SRGAP3: variants seen among roughly 807,000 people sequenced by gnomAD.
The protein encoded by SRGAP3 is SLIT-ROBO Rho GTPase activating protein 3, also known as SLIT-ROBO Rho GTPase-activating protein 3.
In SRGAP3, 39 loss-of-function variants were observed where a neutral mutation model predicts 121.1. That is an observed-to-expected ratio of 0.32 (90% CI 0.25 to 0.42). SRGAP3 has a LOEUF of 0.42. Among genes scored for constraint, SRGAP3 ranks in the 10% least tolerant of loss-of-function variants. SRGAP3 has a pLI of 1.00. For missense variants in SRGAP3, 1,213 were observed against 1,470.6 expected (o/e 0.82, Z 2.86); for synonymous variants, 601 against 570.0 (o/e 1.05, Z -0.77).
intron 11 of SRGAP3, chr3:9,034,233 C>T (rs1465085568): frequency 6.6e-6 from 1 of 152,134 alleles, no homozygotes; most frequent in Non-Finnish European, 1.5e-5. Context: ...AGAAGAGGGC[C>T]CCTAACCAAG....
At chr3:9,174,533 T>G (rs2125106341) in intron 1 of SRGAP3, among the ~76,000 whole-genome samples, 2 of 152,262 alleles carry the variant, frequency 1.3e-5, no homozygotes, top group South Asian at 4.1e-4. Flanking sequence ...CCACCACCAC[T>G]ACTTAGTAAG....
chr3:9,249,232 CA>C lies in SRGAP3; in HGVS notation c.-282del, dbSNP rs1559242380. On this transcript the variant is annotated 5_prime_UTR_variant, in exon 1 of 22. It introduces an in-frame stop codon into an upstream open reading frame of the 5' UTR. Transcript: ENST00000383836. ...AGCACAGTAACCTGCCCCAGATTTT[CA>C]AAGATTTTTCTTCCAAAAATAATAA... 2 of 524,528 alleles carry C rather than the reference CA, an allele frequency of 3.8e-6. No homozygotes were observed. Among genetic ancestry groups the C allele is most frequent in the Non-Finnish European group, 6.9e-6 (2 of 290,218 alleles). The allele number at this position is 524,528 out of a possible 1,614,324, so 32.5% of individuals were successfully genotyped here.
intron 3 of SRGAP3, among the ~76,000 whole-genome samples, chr3:9,303,742 A>G (rs1050778952): frequency 6.6e-6 from 1 of 152,234 alleles, no homozygotes; most frequent in African/African-American, 2.4e-5. Flanking sequence ...AAAGTCTACA[A>G]TAATAACATT....
At chr3:9,169,184 TG>T (rs1293672940) in intron 1 of SRGAP3, among the ~76,000 whole-genome samples, 1 of 152,224 alleles carries the variant, frequency 6.6e-6, no homozygotes, top group Non-Finnish European at 1.5e-5. Context: ...CTTACAATAT[TG>T]GGGAGCATGA....
At chr3:9,304,681 C>T (rs886846833) in intron 3 of SRGAP3, among the ~76,000 whole-genome samples, 7 of 152,162 alleles carry the variant, frequency 4.6e-5, no homozygotes, top group South Asian at 2.1e-4. Context: ...TCTCCCCCTC[C>T]GCACTAGGAC....
At chr3:9,272,322 C>T (rs926615172) in intron 3 of SRGAP3, among the ~76,000 whole-genome samples, 1 of 152,210 alleles carries the variant, frequency 6.6e-6, no homozygotes, top group African/African-American at 2.4e-5. Context: ...AAGCCATTCA[C>T]ATTGTTGTGC....
intron 1 of SRGAP3, among the ~76,000 whole-genome samples, chr3:9,131,817 T>C (rs549306017): frequency 5.3e-5 from 8 of 152,280 alleles, no homozygotes; most frequent in East Asian, 1.9e-4. Flanking sequence ...AAATTCTCCA[T>C]GGTTCCCCAT....
At position 9,109,462 on chromosome 3, in the gene SRGAP3, A is replaced by T. The variant is rs1165408810; in HGVS notation, c.261-4620T>A. Reference sequence around the variant, plus strand: ...GGCAAGGAGGAGGATGTTACCCGAAAGCAGCCAAAGACTCAAGTTGAAGTG... The same window carrying T: ...GGCAAGGAGGAGGATGTTACCCGAATGCAGCCAAAGACTCAAGTTGAAGTG... On this transcript the variant is annotated intron_variant, in intron 2 of 21. Coordinates refer to ENST00000383836, the MANE Select transcript of SRGAP3 (RefSeq NM_014850.4). The surrounding 1 kb of genome is among the most constrained non-coding windows in gnomAD (Gnocchi z 4.4). 6.6e-6 allele frequency among the ~76,000 whole-genome samples: 1 copy of T among 152,230 alleles called. No homozygotes were observed. Among genetic ancestry groups the T allele is most frequent in the Non-Finnish European group, 1.5e-5 (1 of 68,038 alleles).
chr3:9,286,113 A>AACACACACACAC (rs34023408), intron 3 of SRGAP3, among the ~76,000 whole-genome samples: 157 of 135,074 alleles, frequency 1.2e-3, no homozygotes, highest in Admixed American at 3.5e-3. Context: ...CCCTATCTCA[A>AACACACACACAC]ACACACACAC....
chr3:9,345,636 A>C (rs1384944963), intron 1 of SRGAP3, among the ~76,000 whole-genome samples: 1 of 151,936 alleles, frequency 6.6e-6, no homozygotes, highest in Non-Finnish European at 1.5e-5. Flanking sequence ...ATGCAAAAAA[A>C]TTAGCCGGGC....
intron 1 of SRGAP3, among the ~76,000 whole-genome samples, chr3:9,155,598 T>C (rs1360155686): frequency 6.6e-6 from 1 of 152,006 alleles, no homozygotes; most frequent in Non-Finnish European, 1.5e-5. Flanking sequence ...TTGCCCCGGG[T>C]TGGGTCTCTC....
chr3:9,310,403 G>C (rs145747107), intron 3 of SRGAP3, among the ~76,000 whole-genome samples: 167 of 152,258 alleles, frequency 1.1e-3, no homozygotes, highest in African/African-American at 3.9e-3. Context: ...CCCACCTCTA[G>C]CTGCAGAGGT....
chr3:9,166,671 G>A (rs1339508705), intron 1 of SRGAP3, among the ~76,000 whole-genome samples: 1 of 152,180 alleles, frequency 6.6e-6, no homozygotes, highest in Non-Finnish European at 1.5e-5. Context: ...TTCAAGCATA[G>A]TACTTTGGGG....
chr3:9,339,284 C>T (rs991956349), intron 1 of SRGAP3, among the ~76,000 whole-genome samples: 3 of 152,214 alleles, frequency 2.0e-5, no homozygotes, highest in Non-Finnish European at 2.9e-5. Flanking sequence ...CTCCCACTTA[C>T]GACTATACCA....
intron 12 of SRGAP3, among the ~76,000 whole-genome samples, chr3:9,030,153 AAATGAATGAATGAATGAATG>A (rs149686122): frequency 3.4e-5 from 5 of 148,246 alleles, no homozygotes; most frequent in African/African-American, 7.8e-5. Context: ...CTGCCTCAAT[AAATGAATGAATGAATGAATG>A]AATGAATGAA....
intron 3 of SRGAP3, among the ~76,000 whole-genome samples, chr3:9,290,248 A>C (rs1954848942): frequency 6.6e-6 from 1 of 152,116 alleles, no homozygotes. Flanking sequence ...ACATATTTTT[A>C]ATGGTTTTAA....
chr3:9,188,400 T>G (rs1481506069), intron 1 of SRGAP3, among the ~76,000 whole-genome samples: 6 of 152,210 alleles, frequency 3.9e-5, no homozygotes, highest in Non-Finnish European at 8.8e-5. Flanking sequence ...GTTGTAGACC[T>G]AGAGAGAAGG....
intron 1 of SRGAP3, among the ~76,000 whole-genome samples, chr3:9,211,554 A>ATAATCTGAT (rs1291635081): frequency 6.6e-6 from 1 of 152,214 alleles, no homozygotes; most frequent in African/African-American, 2.4e-5. Flanking sequence ...GTCTGATAAA[A>ATAATCTGAT]TAATCTGATT....
At chr3:9,300,836 C>T (rs1054624896) in intron 3 of SRGAP3, among the ~76,000 whole-genome samples, 2 of 152,110 alleles carry the variant, frequency 1.3e-5, no homozygotes, top group South Asian at 2.1e-4. Context: ...TGCACAGGAC[C>T]GCTGCCACAA....
Sources: allele counts gnomAD v4.1 joint callset (sites outside exome capture counted in the v4.1 genomes callset), GRCh38; gene constraint gnomAD v4.1.1; non-coding constraint Gnocchi (gnomAD v3.1); transcripts MANE v1.5; gene names NCBI Gene and HGNC (gene_info 2026-07-23, HGNC 2026-07-21).